CIITA: variants seen among roughly 807,000 people sequenced by gnomAD.
CIITA encodes the protein MHC class II transactivator.
Under a neutral mutation model 115.1 loss-of-function variants are expected in CIITA, and 72 were observed. The observed-to-expected ratio is 0.63, with a 90% CI of 0.52 to 0.76. The LOEUF is 0.76. Ranked by LOEUF, CIITA falls within the 30% of genes least tolerant of loss-of-function variation. The probability of loss-of-function intolerance (pLI) is 0.00; values close to 1 mark genes in which losing one functional copy is unlikely to be tolerated. For missense variants in CIITA, 1,617 were observed against 1,463.8 expected, an observed-to-expected ratio of 1.10 and a Z score of -1.71; for synonymous variants, 763 against 635.6, an observed-to-expected ratio of 1.20 and a Z score of -3.02.
rs201571405 is a variant in CIITA at position 10,915,580 on chromosome 16, G to C, written c.2899G>C (p.Val967Leu). The change falls in exon 14 of 20, where the codon GTC (valine) becomes CTC (leucine). Residue 967 changes from valine to leucine, a missense_variant. Physicochemically the swap from Val to Leu is conservative, Grantham distance 32. Transcript: ENST00000324288. Reference sequence around the variant, plus strand: ...CTCTTTGCCTCCTAGGCTGGGCCCTGTCTCAGGCCCCCAGGCTTTCCCCAA... The same window carrying C: ...CTCTTTGCCTCCTAGGCTGGGCCCTCTCTCAGGCCCCCAGGCTTTCCCCAA... ...LKKLEFALGPVSGPQAFPKLV... is the reference protein window; with the variant it reads ...LKKLEFALGPLSGPQAFPKLV... 1 of 1,614,140 alleles carries C rather than the reference G, an allele frequency of 6.2e-7. No individual in the cohort carries two copies. The highest frequency in any genetic ancestry group is 2.2e-5 in the East Asian group (1 of 44,884).
At chr16:10,903,630 C>G in intron 8 of CIITA, 101 bp from the exon 9 acceptor site, 1 of 1,271,464 alleles carries the variant, frequency 7.9e-7, no homozygotes, top group Non-Finnish European at 1.2e-6. Context: ...TCTCTCCAGA[C>G]TTCCTGAGCT....
intron 10 of CIITA, among the ~76,000 whole-genome samples, chr16:10,905,523 G>A (rs2039078850): frequency 6.6e-6 from 1 of 152,220 alleles, no homozygotes; most frequent in Non-Finnish European, 1.5e-5. Context: ...CACTTTGGGA[G>A]GCCAAGGCAG....
In CIITA at chr16:10,910,270, G is replaced by C; in HGVS notation, c.2888+11G>C. Reference sequence around the variant, plus strand: ...GAAACTGGAGTTTGCGTAAGCAAAGGGGTGGATTGTCTTGTGGGTCTGCGC... The same window carrying C: ...GAAACTGGAGTTTGCGTAAGCAAAGCGGTGGATTGTCTTGTGGGTCTGCGC... On this transcript the variant is annotated intron_variant, in intron 13 of 19. Coordinates refer to ENST00000324288, the MANE Select transcript of CIITA (RefSeq NM_000246.4). 1 of 1,612,554 alleles carries C rather than the reference G, an allele frequency of 6.2e-7. No individual in the cohort carries two copies. The highest frequency in any genetic ancestry group is 2.2e-5 in the East Asian group (1 of 44,868).
chr16:10,912,018 G>A (rs2039617465), intron 13 of CIITA, among the ~76,000 whole-genome samples: 1 of 152,196 alleles, frequency 6.6e-6, no homozygotes, highest in Admixed American at 6.6e-5. Flanking sequence ...CTGGCCCTAA[G>A]CTCCTTCCAC....
At chr16:10,904,426 G>T (rs1567410881) in intron 9 of CIITA, among the ~76,000 whole-genome samples, 1 of 152,094 alleles carries the variant, frequency 6.6e-6, no homozygotes, top group Admixed American at 6.6e-5. Context: ...TAACCATGTT[G>T]GCCAGGCTGG....
Position 10,901,734 on chromosome 16 carries a change from T to G in CIITA, c.481+176T>G, listed in dbSNP as rs997874712. 22 of 711,062 alleles carry G rather than the reference T, an allele frequency of 3.1e-5. No individual in the cohort carries two copies. Among genetic ancestry groups the G allele is most frequent in the Non-Finnish European group, 5.0e-5 (21 of 420,108 alleles). The allele number at this position is 711,062 out of a possible 1,614,324, so 44.0% of individuals were successfully genotyped here. The stretch of plus-strand genomic sequence containing the variant: ...TAGAGTCCTCTAAGGGGCTCACGAC[T>G]GTTTGTGGAAGGTGGTAGGGGCTTG... On this transcript the variant is annotated intron_variant, in intron 6 of 19. Coordinates refer to ENST00000324288, the MANE Select transcript of CIITA (RefSeq NM_000246.4). This position sits in a 1 kb window ranked among gnomAD's most constrained non-coding sequence, Gnocchi z 6.8.
At chr16:10,889,374 C>T (rs1446026600) in intron 1 of CIITA, among the ~76,000 whole-genome samples, 4 of 152,092 alleles carry the variant, frequency 2.6e-5, no homozygotes, top group African/African-American at 9.7e-5. Context: ...TGTGGGGAAA[C>T]CTAGAGTCTT....
intron 1 of CIITA, among the ~76,000 whole-genome samples, chr16:10,890,124 A>C (rs1248961819): frequency 6.6e-6 from 1 of 152,098 alleles, no homozygotes. Context: ...TGGGGCGCTG[A>C]AATGTGTATT....
chr16:10,898,634 C>A (rs765835141), intron 3 of CIITA, 36 bp from the exon 4 acceptor site: 1 of 1,586,776 alleles, frequency 6.3e-7, no homozygotes, highest in Non-Finnish European at 8.6e-7. Flanking sequence ...TCAGTTAGAC[C>A]TTGTTGATTG....
chr16:10,941,924 T>A lies in CIITA; in HGVS notation n.1050T>A. The A allele has an allele frequency of 1.2e-6, 2 of 1,601,522 alleles. No individual in the cohort carries two copies. Among genetic ancestry groups the A allele is most frequent in the Non-Finnish European group, 1.7e-6 (2 of 1,175,092 alleles). On this transcript the variant is annotated non_coding_transcript_exon_variant, in exon 2 of 2. Transcript: ENST00000573379. The surrounding 1 kb of genome is among the most constrained non-coding windows in gnomAD (Gnocchi z 6.4). Reference sequence around the variant, plus strand: ...ACGAAGAACAGGCCCACGTAGAACATAGAGGGCAGCAGCGGCGGCGGCACG... The same window carrying A: ...ACGAAGAACAGGCCCACGTAGAACAAAGAGGGCAGCAGCGGCGGCGGCACG...
At chr16:10,898,859 A>G in intron 4 of CIITA, 66 bp from the exon 5 acceptor site, 1 of 1,592,828 alleles carries the variant, frequency 6.3e-7, no homozygotes, top group African/African-American at 1.3e-5. Context: ...CAAGGTGGGT[A>G]CAATAGAGAC....
chr16:10,895,429 G>A lies in CIITA; in HGVS notation c.199+1G>A, dbSNP rs777089127. ...GAAGAAGAGATTGAGCTCTACTCAG[G>A]TGGGCCCTCCTCCCTCTGGTCTCTT... On this transcript the variant is annotated splice_donor_variant, in intron 2 of 19. Coordinates refer to ENST00000324288, the MANE Select transcript of CIITA (RefSeq NM_000246.4). LOFTEE classifies it high-confidence loss of function. 6.2e-6 allele frequency: 10 copies of A among 1,613,456 alleles called. No individual in the cohort carries two copies. Among genetic ancestry groups the A allele is most frequent in the Non-Finnish European group, 8.5e-6 (10 of 1,179,994 alleles).
chr16:10,867,758 ACTTT>A (rs1474852724), intron 1 of CIITA, among the ~76,000 whole-genome samples: 3 of 151,828 alleles, frequency 2.0e-5, no homozygotes, highest in Admixed American at 6.6e-5. Context: ...TAATGTCACA[ACTTT>A]CTTTCTTTTT....
chr16:10,894,748 A>C (rs2037949873), intron 1 of CIITA, among the ~76,000 whole-genome samples: 1 of 152,246 alleles, frequency 6.6e-6, no homozygotes, highest in South Asian at 2.1e-4. Context: ...GCAGTAGAGC[A>C]TTGTGGTTAA....
intron 1 of CIITA, among the ~76,000 whole-genome samples, chr16:10,892,759 C>G (rs556149660): frequency 2.0e-5 from 3 of 152,202 alleles, no homozygotes; most frequent in African/African-American, 4.8e-5. Context: ...ATGGCAAAAC[C>G]CCATTTCTAC....
chr16:10,918,578 C>T (rs45558332), intron 16 of CIITA, 52 bp downstream of exon 16: 12 of 1,509,372 alleles, frequency 8.0e-6, no homozygotes, highest in East Asian at 2.3e-5. Context: ...GGCTGCAGAG[C>T]GCAGGGAACC....
rs183424522 is a variant in CIITA at position 10,904,672 on chromosome 16, G to C, written c.938-72G>C. The C allele has an allele frequency of 4.7e-5, 71 of 1,521,674 alleles. No homozygotes were observed. In the East Asian group the frequency reaches 1.3e-3, roughly 28 times the overall value. 94.3% of individuals were successfully genotyped at this position (1,521,674 alleles called of 1,614,324 possible). A position where few individuals can be genotyped will look rare whatever the true frequency, so the allele number is the denominator to read the frequency against. On this transcript the variant is annotated intron_variant, in intron 9 of 19. Transcript: ENST00000324288. Reference sequence around the variant, plus strand: ...AGCCCATGAAGGCTGTAAGGACTAAGTGGCCCAGAGGGAGGGGGGTCCCCA... The same window carrying C: ...AGCCCATGAAGGCTGTAAGGACTAACTGGCCCAGAGGGAGGGGGGTCCCCA...
intron 1 of CIITA, among the ~76,000 whole-genome samples, chr16:10,871,663 G>T (rs1415986215): frequency 2.0e-5 from 3 of 152,162 alleles, no homozygotes; most frequent in African/African-American, 7.2e-5. Flanking sequence ...CCAGAGCTGT[G>T]ACACACCAGA....
intron 8 of CIITA, 90 bp downstream of exon 8, chr16:10,902,891 G>T: frequency 2.0e-6 from 3 of 1,495,160 alleles, no homozygotes; most frequent in Middle Eastern, 2.0e-4. Flanking sequence ...GCACTTGGCA[G>T]TGGTGCCCTA....
Sources: allele counts gnomAD v4.1 joint callset (sites outside exome capture counted in the v4.1 genomes callset), GRCh38; gene constraint gnomAD v4.1.1; non-coding constraint Gnocchi (gnomAD v3.1); transcripts MANE v1.5; gene names NCBI Gene and HGNC (gene_info 2026-07-23, HGNC 2026-07-21).